POF1B: variants seen among roughly 807,000 people sequenced by gnomAD.
POF1B encodes the protein POF1B actin binding protein.
In POF1B, 53 loss-of-function variants were observed where a neutral mutation model predicts 55.3. The observed-to-expected ratio is 0.96, with a 90% confidence interval of 0.77 to 1.20. The LOEUF (loss-of-function observed/expected upper bound fraction) is 1.20, where lower values mean the gene tolerates loss of function less well. Ranked by LOEUF, POF1B falls within the 50% of genes most tolerant of loss-of-function variation. The pLI is 0.00. For missense variants in POF1B, 478 were observed against 420.5 expected, an observed-to-expected ratio of 1.14 and a Z score of -1.20; for synonymous variants, 188 against 148.3, an observed-to-expected ratio of 1.27 and a Z score of -1.95.
chrX:85,354,796 C>G (rs951827075), intron 4 of POF1B, among the ~76,000 whole-genome samples: 11 of 110,490 alleles, frequency 1.0e-4, no homozygotes, highest in Admixed American at 6.8e-4. Context: ...CACTGCTCAA[C>G]GAAATAAAAG....
Position 85,280,934 on chromosome X carries a change from G to A in POF1B, c.1764+1269C>T, listed in dbSNP as rs147910600. Reference sequence around the variant, plus strand: ...GTTATGGGAGACTGTCCTGCACATCGTAGTATGTTCAGAAGCATCCTAGTT... The same window carrying A: ...GTTATGGGAGACTGTCCTGCACATCATAGTATGTTCAGAAGCATCCTAGTT... On this transcript the variant is annotated intron_variant, in intron 16 of 16. Transcript: ENST00000262753. Among the ~76,000 whole-genome samples, 628 of 110,733 alleles carry A rather than the reference G, an allele frequency of 5.7e-3. 6 individuals are homozygous for A. The highest frequency in any genetic ancestry group is 0.019 in the African/African-American group (595 of 30,533).
In POF1B at chrX:85,379,503, A is replaced by G. The variant is rs756877140; in HGVS notation, c.-41-8T>C. On this transcript the variant is annotated splice_region_variant and splice_polypyrimidine_tract_variant and intron_variant, in intron 1 of 16. Coordinates refer to ENST00000262753, the MANE Select transcript of POF1B (RefSeq NM_024921.4). ...ACCTCCCAGATGTTCTACCTAAGGA[A>G]CAAACAGAGAAATATAATGGAAAAA... The G allele has an allele frequency of 3.5e-6, 4 of 1,159,075 alleles. No homozygotes were observed. Among genetic ancestry groups the G allele is most frequent in the Non-Finnish European group, 4.6e-6 (4 of 864,666 alleles).
At chrX:85,315,491 C>A (rs1229858346) in intron 8 of POF1B, among the ~76,000 whole-genome samples, 2 of 110,496 alleles carry the variant, frequency 1.8e-5, no homozygotes, top group Non-Finnish European at 3.8e-5. Context: ...AAAGTGACAG[C>A]TGATAACAAT....
intron 9 of POF1B, 28 bp from the exon 10 acceptor site, chrX:85,308,244 G>T: frequency 2.0e-6 from 2 of 994,078 alleles, no homozygotes; most frequent in Non-Finnish European, 1.4e-6. Context: ...TAATGGTTTA[G>T]TTTTATTAAC....
intron 15 of POF1B, among the ~76,000 whole-genome samples, chrX:85,293,646 A>T (rs1356569123): frequency 8.9e-6 from 1 of 111,944 alleles, no homozygotes; most frequent in Non-Finnish European, 1.9e-5. Context: ...GCAAATCTGC[A>T]CTTGTACCAC....
At chrX:85,320,840 A>G (rs1932830156) in intron 7 of POF1B, among the ~76,000 whole-genome samples, 1 of 111,541 alleles carries the variant, frequency 9.0e-6, no homozygotes, top group Admixed American at 9.5e-5. Flanking sequence ...TAGAAAATCT[A>G]GAAGAAATGG....
chrX:85,347,401 A>G (rs1413744602), intron 5 of POF1B, among the ~76,000 whole-genome samples: 2 of 111,323 alleles, frequency 1.8e-5, no homozygotes, highest in Admixed American at 1.9e-4. Context: ...ATGAAATAGT[A>G]TACTCTTTCT....
intron 6 of POF1B, among the ~76,000 whole-genome samples, chrX:85,339,303 T>C (rs933440822): frequency 9.0e-6 from 1 of 110,620 alleles, no homozygotes; most frequent in Non-Finnish European, 1.9e-5. Context: ...CCTGTCCCCA[T>C]GATACAGTTA....
intron 2 of POF1B, among the ~76,000 whole-genome samples, chrX:85,378,643 T>G (rs2147957083): frequency 8.9e-6 from 1 of 111,925 alleles, no homozygotes; most frequent in South Asian, 3.7e-4. Flanking sequence ...AAAAAGTGTG[T>G]CATTCTTGGA....
rs761406985 is a variant in POF1B at position 85,278,766 on chromosome X, C to T, written c.*655G>A. ...CCAAGGGACTAATATGTACTTAGAA[C>T]CAGAATAGCATACTGTATAATTTAG... On this transcript the variant is annotated 3_prime_UTR_variant, in exon 17 of 17. Coordinates refer to ENST00000262753, the MANE Select transcript of POF1B (RefSeq NM_024921.4). The T allele has an allele frequency of 9.0e-6, 1 of 110,534 alleles. No individual in the cohort carries two copies. The highest frequency in any genetic ancestry group is 3.8e-4 in the South Asian group (1 of 2,646). The allele number at this position is 110,534 out of a possible 1,213,427, so 9.1% of individuals were successfully genotyped here. A position where few individuals can be genotyped will look rare whatever the true frequency, so the allele number is the denominator to read the frequency against.
chrX:85,354,889 A>G (rs986175570), intron 4 of POF1B, among the ~76,000 whole-genome samples: 18 of 111,565 alleles, frequency 1.6e-4, no homozygotes, highest in Non-Finnish European at 2.1e-4. Context: ...TGCCCAAGGT[A>G]GTTTATAGAT....
At chrX:85,325,153 C>T (rs1020310151) in intron 7 of POF1B, among the ~76,000 whole-genome samples, 26 of 111,116 alleles carry the variant, frequency 2.3e-4, no homozygotes, top group African/African-American at 7.2e-4. Context: ...AATCTGATGA[C>T]GATGTGTCTT....
chrX:85,339,742 A>G (rs140044357), intron 6 of POF1B, among the ~76,000 whole-genome samples: 2 of 111,263 alleles, frequency 1.8e-5, no homozygotes, highest in African/African-American at 6.5e-5. Flanking sequence ...TTATAAGTCA[A>G]TAGAATGGTA....
At chrX:85,363,339 G>A (rs1437537216) in intron 3 of POF1B, among the ~76,000 whole-genome samples, 1 of 110,924 alleles carries the variant, frequency 9.0e-6, no homozygotes, top group African/African-American at 3.3e-5. Context: ...TGTGATGTTA[G>A]GTTGTTAATT....
At chrX:85,376,133 G>A (rs181933273) in intron 2 of POF1B, among the ~76,000 whole-genome samples, 1 of 111,334 alleles carries the variant, frequency 9.0e-6, no homozygotes, top group East Asian at 2.8e-4. Flanking sequence ...TGAATGACTG[G>A]TATTTAAAAA....
intron 3 of POF1B, among the ~76,000 whole-genome samples, chrX:85,362,148 G>A (rs1933636617): frequency 9.0e-6 from 1 of 111,199 alleles, no homozygotes; most frequent in African/African-American, 3.3e-5. Flanking sequence ...TTTTGGCCAA[G>A]ACTATGGGAG....
At chrX:85,326,301 G>A (rs763799711) in intron 7 of POF1B, among the ~76,000 whole-genome samples, 13 of 111,732 alleles carry the variant, frequency 1.2e-4, no homozygotes, top group African/African-American at 4.2e-4. Context: ...ATCAGGCTCC[G>A]CCAGTGTCCC....
rs1238620724 is a variant in POF1B, at chrX:85,379,665, C to A, written c.-68G>T. 2.3e-6 allele frequency: 1 copy of A among 433,011 alleles called. No homozygotes were observed. The highest frequency in any genetic ancestry group is 4.0e-6 in the Non-Finnish European group (1 of 252,475). 35.7% of individuals were successfully genotyped at this position (433,011 alleles called of 1,213,427 possible). The stretch of plus-strand genomic sequence containing the variant: ...TGAGCAGCAGCAAGAGCAGGTCTGG[C>A]AGCTACAGAGGAAGCAGCAAAATAT... On this transcript the variant is annotated 5_prime_UTR_variant, in exon 1 of 17. Transcript: ENST00000262753.
rs755148457 is a variant in POF1B at position 85,278,416 on chromosome X, C to T, written c.*1005G>A. 1 of 110,862 alleles carries T rather than the reference C, an allele frequency of 9.0e-6. No homozygotes were observed. Among genetic ancestry groups the T allele is most frequent in the African/African-American group, 3.3e-5 (1 of 30,671 alleles). 9.1% of individuals were successfully genotyped at this position (110,862 alleles called of 1,213,427 possible). A position where few individuals can be genotyped will look rare whatever the true frequency, so the allele number is the denominator to read the frequency against. On this transcript the variant is annotated 3_prime_UTR_variant, in exon 17 of 17. Coordinates refer to ENST00000262753, the MANE Select transcript of POF1B (RefSeq NM_024921.4). ...TGGGTTGAAATGTAAAATTTTCATC[C>T]TCATCTTGCATTGAAAAAATACTTG... is the stretch of plus-strand genomic sequence containing the variant.
Sources: allele counts gnomAD v4.1 joint callset (sites outside exome capture counted in the v4.1 genomes callset), GRCh38; gene constraint gnomAD v4.1.1; transcripts MANE v1.5; gene names NCBI Gene and HGNC (gene_info 2026-07-23, HGNC 2026-07-21).